DISP3: variants seen among roughly 807,000 people sequenced by gnomAD.
The protein encoded by DISP3 is dispatched RND transporter family member 3.
In DISP3, 101 loss-of-function variants were observed where a neutral mutation model predicts 135.3. The ratio of observed to expected loss-of-function variants is 0.75; its 90% CI spans 0.64 to 0.88. The LOEUF (loss-of-function observed/expected upper bound fraction) is 0.88. DISP3 is among the 40% of genes least tolerant of loss of function. The pLI, the probability that DISP3 is intolerant of heterozygous loss-of-function variation, is 0.00. For synonymous variants in DISP3, 856 were observed against 817.0 expected (o/e 1.05, Z -0.81); for missense variants, 1,713 against 1,878.6 (o/e 0.91, Z 1.63).
At position 11,519,561 on chromosome 1, in the gene DISP3, C is replaced by T; in HGVS notation, c.2038+58C>T. The T allele has an allele frequency of 1.3e-6, 2 of 1,594,882 alleles. No individual in the cohort carries two copies. The highest frequency in any genetic ancestry group is 2.2e-5 in the South Asian group (2 of 89,554). Reference sequence around the variant, plus strand: ...CCAGTGAGACCCAGCGCTGCCTCTGCCAGGGGAGTAACACTTGACAAGTTG... The same window carrying T: ...CCAGTGAGACCCAGCGCTGCCTCTGTCAGGGGAGTAACACTTGACAAGTTG... On this transcript the variant is annotated intron_variant, in intron 8 of 20. Coordinates refer to ENST00000294484, the MANE Select transcript of DISP3 (RefSeq NM_020780.2). This position sits in a 1 kb window ranked among gnomAD's most constrained non-coding sequence, Gnocchi z 4.3.
chr1:11,481,066 C>T (rs984219733), intron 1 of DISP3, among the ~76,000 whole-genome samples: 3 of 149,804 alleles, frequency 2.0e-5, no homozygotes, highest in Non-Finnish European at 4.4e-5. Context: ...CTCTCTCTCA[C>T]ACACATACAC....
chr1:11,519,403 C>G lies in DISP3; in HGVS notation c.1938C>G (p.Asp646Glu). 1 of 1,613,854 alleles carries G rather than the reference C, an allele frequency of 6.2e-7. No individual in the cohort carries two copies. The highest frequency in any genetic ancestry group is 8.5e-7 in the Non-Finnish European group (1 of 1,179,956). Reference protein sequence around the residue: ...SRKTSLHFPGDVFAAPEQVGG... With the variant: ...SRKTSLHFPGEVFAAPEQVGG... ...AGACCTCCCTGCACTTCCCCGGAGACGTGTTTGCCGCTCCCGAGCAGGTTG... is the reference window on the plus strand; with the variant it reads ...AGACCTCCCTGCACTTCCCCGGAGAGGTGTTTGCCGCTCCCGAGCAGGTTG... Residue 646 changes from aspartate to glutamate, a missense_variant, in exon 8 of 21, where the codon GAC becomes GAG. By Grantham distance (45) the Asp-to-Glu change is conservative. Coordinates refer to ENST00000294484, the MANE Select transcript of DISP3 (RefSeq NM_020780.2). The surrounding 1 kb of genome is among the most constrained non-coding windows in gnomAD (Gnocchi z 4.3).
chr1:11,486,462 C>T (rs1049414502), intron 1 of DISP3, among the ~76,000 whole-genome samples: 6 of 152,108 alleles, frequency 3.9e-5, no homozygotes, highest in African/African-American at 1.2e-4. Flanking sequence ...CTAGTAGCTG[C>T]TGTGGGTTCC....
At chr1:11,535,341 C>T (rs990435548) in intron 19 of DISP3, 137 bp from the exon 20 acceptor site, 1 of 1,262,256 alleles carries the variant, frequency 7.9e-7, no homozygotes, top group Non-Finnish European at 1.1e-6. Context: ...TGCACCTGTC[C>T]CCTCCCTCAG....
chr1:11,480,593 C>A (rs1640872943), intron 1 of DISP3, among the ~76,000 whole-genome samples: 1 of 151,996 alleles, frequency 6.6e-6, no homozygotes, highest in Non-Finnish European at 1.5e-5. Context: ...AGCCCACCAC[C>A]TGGTGTTCTC....
At position 11,516,498 on chromosome 1, in the gene DISP3, C is replaced by CA. The variant is rs1411299659; in HGVS notation, c.1749+343dup. Among the ~76,000 whole-genome samples the CA allele has an allele frequency of 2.6e-5, 4 of 152,090 alleles. No homozygotes were observed. ...AAGGTACAATTACCATCCTATTTTC[C>CA]AAAAAAGAAACTTGGCCCCTGAGAG... On this transcript the variant is annotated intron_variant, in intron 6 of 20. Transcript: ENST00000294484. This position sits in a 1 kb window ranked among gnomAD's most constrained non-coding sequence, Gnocchi z 5.1.
intron 17 of DISP3, among the ~76,000 whole-genome samples, chr1:11,532,034 G>A (rs1295931105): frequency 6.6e-6 from 1 of 152,162 alleles, no homozygotes; most frequent in African/African-American, 2.4e-5. Context: ...AGTCCAGGAT[G>A]CCCCCCTCTG....
At chr1:11,490,775 C>A (rs1463089549) in intron 1 of DISP3, among the ~76,000 whole-genome samples, 1 of 152,140 alleles carries the variant, frequency 6.6e-6, no homozygotes, top group East Asian at 1.9e-4. Context: ...TCTGACATTA[C>A]CTCCAGAGGC....
intron 10 of DISP3, among the ~76,000 whole-genome samples, chr1:11,521,977 G>T (rs1642208176): frequency 6.6e-6 from 1 of 152,142 alleles, no homozygotes; most frequent in Non-Finnish European, 1.5e-5. Flanking sequence ...GAGGCTGAGA[G>T]CTGGTGGTGC....
At chr1:11,500,853 C>T in intron 1 of DISP3, 137 bp from the exon 2 acceptor site, 2 of 933,328 alleles carry the variant, frequency 2.1e-6, no homozygotes, top group Non-Finnish European at 3.2e-6. Flanking sequence ...TTGATGCATG[C>T]TTGATGCAAT....
At chr1:11,493,311 T>C (rs1641237664) in intron 1 of DISP3, among the ~76,000 whole-genome samples, 2 of 152,246 alleles carry the variant, frequency 1.3e-5, no homozygotes, top group South Asian at 4.1e-4. Context: ...GTCCAAGCTC[T>C]AGCAGTCAAC....
rs775520305 is a variant in DISP3 at position 11,536,850 on chromosome 1, C to G, written c.*164C>G. On this transcript the variant is annotated 3_prime_UTR_variant, in exon 21 of 21. Coordinates refer to ENST00000294484, the MANE Select transcript of DISP3 (RefSeq NM_020780.2). This position sits in a 1 kb window ranked among gnomAD's most constrained non-coding sequence, Gnocchi z 4.3. Reference sequence around the variant, plus strand: ...CACACAGATGGTGTGGACCATGCTGCCTTGTGGAGCTGGGAGTTGGAGACA... The same window carrying G: ...CACACAGATGGTGTGGACCATGCTGGCTTGTGGAGCTGGGAGTTGGAGACA... The G allele has an allele frequency of 2.3e-5, 23 of 995,144 alleles. No individual in the cohort carries two copies. Among genetic ancestry groups the G allele is most frequent in the Middle Eastern group, 6.6e-4 (2 of 3,048 alleles). The allele number at this position is 995,144 out of a possible 1,614,324, so 61.6% of individuals were successfully genotyped here.
Position 11,519,725 on chromosome 1 carries a change from T to A in DISP3, c.2045T>A (p.Leu682Gln), listed in dbSNP as rs917192258. Residue 682 changes from leucine to glutamine, a missense_variant, in exon 9 of 21, where the codon CTG (leucine) becomes CAG (glutamine). By Grantham distance (113) the Leu-to-Gln change is moderately radical. This residue lies in a region of DISP3 where 1,142 missense variants were observed against 1,384.6 expected (regional missense o/e 0.82). Coordinates refer to ENST00000294484, the MANE Select transcript of DISP3 (RefSeq NM_020780.2). This position sits in a 1 kb window ranked among gnomAD's most constrained non-coding sequence, Gnocchi z 4.3. Reference sequence around the variant, plus strand: ...CACTGCTCTGCCCTGGCAGTGTCACTGGAGCTGGGAGACGTGTCCCTGGTG... The same window carrying A: ...CACTGCTCTGCCCTGGCAGTGTCACAGGAGCTGGGAGACGTGTCCCTGGTG... ...LLEVEEEPVS[L>Q]ELGDVSLVSV... is the part of the protein sequence containing the mutation. The A allele has an allele frequency of 6.2e-7, 1 of 1,612,584 alleles. No homozygotes were observed. The highest frequency in any genetic ancestry group is 1.3e-5 in the African/African-American group (1 of 74,940).
At chr1:11,502,236 A>G in intron 2 of DISP3, 148 bp downstream of exon 2, 1 of 1,290,548 alleles carries the variant, frequency 7.7e-7, no homozygotes, top group Non-Finnish European at 1.0e-6. Context: ...CAAGGTGAAA[A>G]GGGCTGGGCT....
In DISP3 at chr1:11,516,814, C is replaced by G. The variant is rs538976721; in HGVS notation, c.1750-649C>G. ...TCCAGGTCCTTCTAGAGAATCACTT[C>G]TAGAAGGTAGGCAGAGCTGGGTTCA... On this transcript the variant is annotated intron_variant, in intron 6 of 20. Coordinates refer to ENST00000294484, the MANE Select transcript of DISP3 (RefSeq NM_020780.2). The surrounding 1 kb of genome is among the most constrained non-coding windows in gnomAD (Gnocchi z 5.1). 2.6e-4 allele frequency among the ~76,000 whole-genome samples: 40 copies of G among 152,258 alleles called. No homozygotes were observed. Among genetic ancestry groups the G allele is most frequent in the African/African-American group, 9.6e-4 (40 of 41,546 alleles).
Position 11,490,788 on chromosome 1 carries a change from C to T in DISP3, c.-3-10202C>T, listed in dbSNP as rs376132181. Among the ~76,000 whole-genome samples the T allele has an allele frequency of 9.9e-5, 15 of 152,240 alleles. No individual in the cohort carries two copies. In the East Asian group the frequency reaches 1.7e-3, roughly 18 times the overall value. Reference sequence around the variant, plus strand: ...GCTCTGACATTACCTCCAGAGGCTCCAATCCAGCTCAGCTCTGTAAGCAGC... The same window carrying T: ...GCTCTGACATTACCTCCAGAGGCTCTAATCCAGCTCAGCTCTGTAAGCAGC... On this transcript the variant is annotated intron_variant, in intron 1 of 20. Transcript: ENST00000294484.
In DISP3 at chr1:11,519,962, G is replaced by T; in HGVS notation, c.2200+82G>T. 2 of 1,400,634 alleles carry T rather than the reference G, an allele frequency of 1.4e-6. No individual in the cohort carries two copies. Among genetic ancestry groups the T allele is most frequent in the Non-Finnish European group, 1.9e-6 (2 of 1,028,248 alleles). The allele number at this position is 1,400,634 out of a possible 1,614,324, so 86.8% of individuals were successfully genotyped here. On this transcript the variant is annotated intron_variant, in intron 9 of 20. Transcript: ENST00000294484. The surrounding 1 kb of genome is among the most constrained non-coding windows in gnomAD (Gnocchi z 4.3). ...AGGAACTGGGAGCCCACCCCCTCTC[G>T]CAGATGCCCCAGGGTCAGAGGCCTG...
intron 3 of DISP3, among the ~76,000 whole-genome samples, chr1:11,508,202 C>T (rs1391773455): frequency 6.6e-6 from 1 of 152,046 alleles, no homozygotes; most frequent in Non-Finnish European, 1.5e-5. Flanking sequence ...CAGGAGGATC[C>T]TTGAGGCCAG....
intron 12 of DISP3, among the ~76,000 whole-genome samples, chr1:11,525,592 A>T (rs945119029): frequency 1.3e-5 from 2 of 152,110 alleles, no homozygotes; most frequent in African/African-American, 4.8e-5. Flanking sequence ...CAGTTTCCTC[A>T]TCTGTGACAT....
Sources: allele counts gnomAD v4.1 joint callset (sites outside exome capture counted in the v4.1 genomes callset), GRCh38; gene constraint gnomAD v4.1.1; regional missense constraint gnomAD v4.1.1; non-coding constraint Gnocchi (gnomAD v3.1); transcripts MANE v1.5; gene names NCBI Gene and HGNC (gene_info 2026-07-23, HGNC 2026-07-21).